Variants in PCNX1 observed in about 807,000 individuals in gnomAD.
PCNX1 encodes the protein pecanex-like protein 1.
In PCNX1, 78 loss-of-function variants were observed where a neutral mutation model predicts 242.2. That is an observed-to-expected ratio of 0.32 (90% CI 0.27 to 0.39). The LOEUF (loss-of-function observed/expected upper bound fraction) is 0.39, where lower values mean the gene tolerates loss of function less well. Ranked by LOEUF, PCNX1 falls within the 10% of genes least tolerant of loss-of-function variation. PCNX1 has a pLI of 1.00. For synonymous variants in PCNX1, 1,024 were observed against 1,032.9 expected, an observed-to-expected ratio of 0.99 and a Z score of 0.17; for missense variants, 2,581 against 2,856.5, an observed-to-expected ratio of 0.90 and a Z score of 2.20.
chr14:71,016,739 A>C (rs79888307), intron 11 of PCNX1, among the ~76,000 whole-genome samples: 2 of 152,210 alleles, frequency 1.3e-5, no homozygotes, highest in African/African-American at 4.8e-5. Flanking sequence ...AGTACTTAGG[A>C]AAATTTATAG....
chr14:71,098,509 CGTGTGTGTGTGTGTGTGTGTGTGTGT>C (rs3221474), intron 30 of PCNX1, among the ~76,000 whole-genome samples: 2 of 128,686 alleles, frequency 1.6e-5, no homozygotes, highest in African/African-American at 3.0e-5. Flanking sequence ...TAGATGTATT[CGTGTGTGTGTGTGTGTGTGTGTGTGT>C]GTGTGTGTGT....
chr14:70,934,997 G>T (rs372850074), intron 1 of PCNX1, among the ~76,000 whole-genome samples: 4 of 73,768 alleles, frequency 5.4e-5, no homozygotes, highest in African/African-American at 1.9e-4. Context: ...CAGACAGACC[G>T]GTGTGTATGC....
chr14:70,958,519 G>A (rs912021627), intron 2 of PCNX1, among the ~76,000 whole-genome samples: 13 of 152,150 alleles, frequency 8.5e-5, no homozygotes, highest in Non-Finnish European at 8.8e-5. Flanking sequence ...AGGATGCAAC[G>A]TTTCAAACTG....
chr14:71,024,930 T>TA (rs1274530503), intron 13 of PCNX1, among the ~76,000 whole-genome samples: 2 of 152,184 alleles, frequency 1.3e-5, no homozygotes, highest in Non-Finnish European at 2.9e-5. Flanking sequence ...GTTTTTCTCT[T>TA]ACAGATAATA....
At chr14:71,044,265 G>T (rs2141084097) in intron 19 of PCNX1, 1 of 152,700 alleles carries the variant, frequency 6.5e-6, no homozygotes, top group African/African-American at 2.4e-5. Flanking sequence ...GCATACGTGG[G>T]CGCTTGTGAT....
At chr14:70,981,486 A>G (rs1220830050) in intron 6 of PCNX1, among the ~76,000 whole-genome samples, 2 of 152,186 alleles carry the variant, frequency 1.3e-5, no homozygotes, top group Non-Finnish European at 2.9e-5. Flanking sequence ...GTAATATGTC[A>G]TATAACATCT....
At chr14:70,989,557 A>G (rs1300217215) in intron 7 of PCNX1, among the ~76,000 whole-genome samples, 1 of 55,566 alleles carries the variant, frequency 1.8e-5, no homozygotes, top group Admixed American at 2.6e-4. Context: ...TTTTTTTTTG[A>G]GACACTCTGT....
chr14:71,072,253 A>G (rs1293805269), intron 26 of PCNX1, among the ~76,000 whole-genome samples: 3 of 152,250 alleles, frequency 2.0e-5, no homozygotes, highest in Non-Finnish European at 2.9e-5. Context: ...GCAGTAAAGC[A>G]AAGTACAATA....
chr14:71,044,031 T>A (rs1722509310), intron 19 of PCNX1, among the ~76,000 whole-genome samples: 1 of 152,226 alleles, frequency 6.6e-6, no homozygotes, highest in Admixed American at 6.5e-5. Context: ...ACAGGATGCT[T>A]TGGCTTTGGT....
intron 15 of PCNX1, among the ~76,000 whole-genome samples, chr14:71,027,795 A>G (rs1181242756): frequency 6.6e-6 from 1 of 151,922 alleles, no homozygotes; most frequent in African/African-American, 2.4e-5. Flanking sequence ...ATGAATTAAG[A>G]CAGAACTGGT....
chr14:70,930,745 G>A (rs1270107337), intron 1 of PCNX1, among the ~76,000 whole-genome samples: 1 of 152,038 alleles, frequency 6.6e-6, no homozygotes, highest in Non-Finnish European at 1.5e-5. Flanking sequence ...AATTAGTTTG[G>A]CCCTGTGTAG....
chr14:71,100,121 A>G (rs1178826078), intron 30 of PCNX1, among the ~76,000 whole-genome samples: 4 of 152,104 alleles, frequency 2.6e-5, no homozygotes, highest in Admixed American at 6.5e-5. Flanking sequence ...TGTTGGTCCT[A>G]TCATGAAGGT....
chr14:70,929,142 T>C (rs1357369229), intron 1 of PCNX1, among the ~76,000 whole-genome samples: 1 of 152,182 alleles, frequency 6.6e-6, no homozygotes, highest in African/African-American at 2.4e-5. Flanking sequence ...TTGGATACCC[T>C]TTTGGGATTA....
intron 1 of PCNX1, among the ~76,000 whole-genome samples, chr14:70,939,238 A>G (rs548322612): frequency 6.6e-6 from 1 of 152,314 alleles, no homozygotes; most frequent in East Asian, 1.9e-4. Context: ...TGTCAATTTT[A>G]GATCTTTCCT....
chr14:71,093,248 T>C (rs2062183130), intron 30 of PCNX1: 1 of 151,324 alleles, frequency 6.6e-6, no homozygotes, highest in South Asian at 2.1e-4. Context: ...TGGAGAAAAC[T>C]CCAGATGTTG....
At chr14:71,045,316 T>C in intron 20 of PCNX1, 33 bp downstream of exon 20, 4 of 1,477,804 alleles carry the variant, frequency 2.7e-6, no homozygotes, top group Non-Finnish European at 3.7e-6. Flanking sequence ...TTCTTTTTAA[T>C]ACTATGAGTT....
rs553824626 is a variant in PCNX1 at position 71,052,033 on chromosome 14, G to GA, written c.4577+26dup. The GA allele has an allele frequency of 6.9e-5, 109 of 1,579,074 alleles. No individual in the cohort carries two copies. In the African/African-American group the frequency reaches 1.4e-3, roughly 20 times the overall value. Reference sequence around the variant, plus strand: ...TATAAGTGAGTAAAGTAAAACACTTGAAAAACAATTTTTATCTTTCCTACT... The same window carrying GA: ...TATAAGTGAGTAAAGTAAAACACTTGAAAAAACAATTTTTATCTTTCCTACT... On this transcript the variant is annotated intron_variant, in intron 24 of 35. Coordinates refer to ENST00000304743, the MANE Select transcript of PCNX1 (RefSeq NM_014982.3).
chr14:71,013,526 A>G (rs533025017), intron 11 of PCNX1, among the ~76,000 whole-genome samples: 4 of 152,092 alleles, frequency 2.6e-5, no homozygotes, highest in Admixed American at 2.6e-4. Flanking sequence ...GCAAAGTTCT[A>G]TATAACAGTT....
intron 1 of PCNX1, among the ~76,000 whole-genome samples, chr14:70,941,055 T>C (rs2057220557): frequency 6.6e-6 from 1 of 152,218 alleles, no homozygotes; most frequent in Non-Finnish European, 1.5e-5. Context: ...TTAGCTTCTT[T>C]GTGATGGGTT....
Sources: gnomAD v4.1 joint callset for allele counts (sites outside exome capture counted in the v4.1 genomes callset) on GRCh38, gnomAD v4.1.1 for gene constraint, MANE v1.5 for transcripts, NCBI Gene and HGNC (gene_info 2026-07-23, HGNC 2026-07-21) for gene names.